The following PPM1L variants were observed in gnomAD, a reference collection of about 807,000 sequenced individuals.
PPM1L encodes protein phosphatase, Mg2+/Mn2+ dependent 1L.
In PPM1L, 13 loss-of-function variants were observed where a neutral mutation model predicts 31.4. That is an observed-to-expected ratio of 0.41 (90% CI 0.27 to 0.66). The LOEUF (loss-of-function observed/expected upper bound fraction) is 0.66. PPM1L is among the 30% of genes least tolerant of loss of function. The pLI, the probability that PPM1L is intolerant of heterozygous loss-of-function variation, is 0.29. For synonymous variants in PPM1L, 184 were observed against 175.4 expected (o/e 1.05, Z -0.39); for missense variants, 326 against 453.7 (o/e 0.72, Z 2.56).
chr3:160,945,128 T>TATATATAA (rs1715365144), intron 1 of PPM1L, among the ~76,000 whole-genome samples: 1 of 64,958 alleles, frequency 1.5e-5, no homozygotes, highest in Non-Finnish European at 2.9e-5. Context: ...TATCTATCTA[T>TATATATAA]CTATCTATCT....
intron 2 of PPM1L, among the ~76,000 whole-genome samples, chr3:161,005,191 G>T (rs1717662821): frequency 6.6e-6 from 1 of 152,154 alleles, no homozygotes. Context: ...GGAGCAGGTT[G>T]TTCAGTTTCC....
At chr3:160,961,985 A>C (rs1429974864) in intron 2 of PPM1L, 75 bp downstream of exon 2, 1 of 1,254,876 alleles carries the variant, frequency 8.0e-7, no homozygotes, top group Admixed American at 2.6e-5. Context: ...TAAACTTGGT[A>C]AAAGGTTAAG....
At chr3:160,907,656 G>A (rs183579070) in intron 1 of PPM1L, among the ~76,000 whole-genome samples, 168 of 152,196 alleles carry the variant, frequency 1.1e-3, no homozygotes, top group African/African-American at 3.9e-3. Flanking sequence ...GAATACTAAA[G>A]CGTGGCAGAG....
chr3:160,952,961 GA>G (rs1291619264), intron 1 of PPM1L, among the ~76,000 whole-genome samples: 3 of 152,134 alleles, frequency 2.0e-5, no homozygotes, highest in African/African-American at 7.2e-5. Context: ...AATGGAGGGG[GA>G]AAGGTAATTT....
At chr3:160,907,195 G>T (rs529404489) in intron 1 of PPM1L, among the ~76,000 whole-genome samples, 1 of 152,296 alleles carries the variant, frequency 6.6e-6, no homozygotes, top group East Asian at 1.9e-4. Flanking sequence ...AATATGGAAG[G>T]CAGTAGAAAT....
intron 1 of PPM1L, among the ~76,000 whole-genome samples, chr3:160,879,897 C>A (rs1349793848): frequency 1.3e-5 from 2 of 152,172 alleles, no homozygotes; most frequent in Non-Finnish European, 2.9e-5. Flanking sequence ...AGACCAGAGA[C>A]TAGAGAGGTC....
At position 161,068,781 on chromosome 3, in the gene PPM1L, C is replaced by T. The variant is rs188081964; in HGVS notation, c.737-30C>T. 279 of 1,562,440 alleles carry T rather than the reference C, an allele frequency of 1.8e-4. 1 individual carries two copies. The African/African-American group carries it at 3.4e-3, about 19-fold the overall frequency. ...CCAGGTAAGTGAGATATCAGCTGGT[C>T]AAACTAATGGGCTCATCCTGTCTTT... is the stretch of plus-strand genomic sequence containing the variant. On this transcript the variant is annotated intron_variant, in intron 3 of 3. Coordinates refer to ENST00000498165, the MANE Select transcript of PPM1L (RefSeq NM_139245.4).
In PPM1L at chr3:160,756,815, C is replaced by T; in HGVS notation, c.399+108C>T. On this transcript the variant is annotated intron_variant, in intron 1 of 3. Coordinates refer to ENST00000498165, the MANE Select transcript of PPM1L (RefSeq NM_139245.4). This position sits in a 1 kb window ranked among gnomAD's most constrained non-coding sequence, Gnocchi z 6.2. Reference sequence around the variant, plus strand: ...TATAAACAACAGGACAGCGTGTGCGCAGCGGGAGAGGATCTGGGTGCGAGG... The same window carrying T: ...TATAAACAACAGGACAGCGTGTGCGTAGCGGGAGAGGATCTGGGTGCGAGG... The T allele has an allele frequency of 8.2e-7, 1 of 1,220,962 alleles. No individual in the cohort carries two copies. The highest frequency in any genetic ancestry group is 2.6e-5 in the East Asian group (1 of 39,002). The allele number at this position is 1,220,962 out of a possible 1,614,324, so 75.6% of individuals were successfully genotyped here.
intron 1 of PPM1L, among the ~76,000 whole-genome samples, chr3:160,881,966 G>A (rs189025802): frequency 2.6e-5 from 4 of 152,016 alleles, no homozygotes. Flanking sequence ...CAGGAGAATG[G>A]TGTGAACTCG....
intron 2 of PPM1L, among the ~76,000 whole-genome samples, chr3:161,014,862 T>TG (rs1386585132): frequency 6.6e-6 from 1 of 152,138 alleles, no homozygotes; most frequent in African/African-American, 2.4e-5. Flanking sequence ...TATTTGGGGA[T>TG]GGGGGGAGTC....
chr3:160,877,503 G>A (rs1271545962), intron 1 of PPM1L, among the ~76,000 whole-genome samples: 1 of 152,092 alleles, frequency 6.6e-6, no homozygotes, highest in Non-Finnish European at 1.5e-5. Context: ...CATCGAAGCA[G>A]CATCATTGTC....
At chr3:161,024,753 G>A (rs1186230333) in intron 2 of PPM1L, among the ~76,000 whole-genome samples, 1 of 150,812 alleles carries the variant, frequency 6.6e-6, no homozygotes, top group East Asian at 1.9e-4. Context: ...TGAGCTCCCA[G>A]ACAGGTCAGA....
At chr3:160,942,162 C>T (rs1344636473) in intron 1 of PPM1L, among the ~76,000 whole-genome samples, 3 of 152,198 alleles carry the variant, frequency 2.0e-5, no homozygotes, top group Admixed American at 6.5e-5. Flanking sequence ...TATTACTGCT[C>T]ATTAATATGG....
chr3:160,943,754 T>C (rs1715231469), intron 1 of PPM1L, among the ~76,000 whole-genome samples: 1 of 152,174 alleles, frequency 6.6e-6, no homozygotes, highest in South Asian at 2.1e-4. Context: ...TCTATTAATC[T>C]TCACTATTTA....
At chr3:160,927,351 A>G (rs966860114) in intron 1 of PPM1L, among the ~76,000 whole-genome samples, 4 of 152,230 alleles carry the variant, frequency 2.6e-5, no homozygotes, top group African/African-American at 9.6e-5. Flanking sequence ...CATGCTGTGG[A>G]TATTTTTAAA....
At chr3:161,047,497 A>T (rs1006744241) in intron 2 of PPM1L, among the ~76,000 whole-genome samples, 3 of 152,346 alleles carry the variant, frequency 2.0e-5, no homozygotes, top group Admixed American at 2.0e-4. Flanking sequence ...ATATTGTGAA[A>T]ATTGCCATAC....
chr3:161,003,996 T>A (rs1044602773), intron 2 of PPM1L, among the ~76,000 whole-genome samples: 1 of 148,858 alleles, frequency 6.7e-6, no homozygotes, highest in African/African-American at 2.5e-5. Context: ...TAGCTCTTAT[T>A]ATTTTGAGAT....
intron 1 of PPM1L, among the ~76,000 whole-genome samples, chr3:160,952,141 T>G (rs1230717501): frequency 6.6e-6 from 1 of 152,188 alleles, no homozygotes; most frequent in African/African-American, 2.4e-5. Flanking sequence ...AATGACACTC[T>G]TGGCAGGCAT....
At chr3:161,047,789 T>C (rs1719132227) in intron 2 of PPM1L, among the ~76,000 whole-genome samples, 1 of 152,200 alleles carries the variant, frequency 6.6e-6, no homozygotes. Context: ...ACCACACATC[T>C]ACAACCATCT....
Sources: allele counts gnomAD v4.1 joint callset (sites outside exome capture counted in the v4.1 genomes callset), GRCh38; gene constraint gnomAD v4.1.1; non-coding constraint Gnocchi (gnomAD v3.1); transcripts MANE v1.5; gene names NCBI Gene and HGNC (gene_info 2026-07-23, HGNC 2026-07-21).